The following NSMCE2 variants were observed in gnomAD, a reference collection of about 807,000 sequenced individuals.
NSMCE2 encodes the protein NSE2 SUMO ligase component of SMC5/6 complex.
NSMCE2 carries 24 observed loss-of-function variants against 23.8 expected under a neutral mutation model. The observed-to-expected ratio is 1.01, with a 90% CI of 0.73 to 1.42. The LOEUF (loss-of-function observed/expected upper bound fraction) is 1.42, where lower values mean the gene tolerates loss of function less well. Ranked by LOEUF, NSMCE2 falls within the 40% of genes most tolerant of loss-of-function variation. The pLI is 0.00. For missense variants in NSMCE2, 284 were observed against 296.5 expected (o/e 0.96, Z 0.31); for synonymous variants, 92 against 94.1 (o/e 0.98, Z 0.13).
chr8:125,218,987 G>C (rs1004099286), intron 5 of NSMCE2, among the ~76,000 whole-genome samples: 1 of 152,118 alleles, frequency 6.6e-6, no homozygotes, highest in African/African-American at 2.4e-5. Flanking sequence ...TGCAGTTTTT[G>C]CTAGGTACTT....
intron 5 of NSMCE2, among the ~76,000 whole-genome samples, chr8:125,290,393 A>G (rs1259155655): frequency 6.6e-5 from 10 of 152,150 alleles, no homozygotes; most frequent in Admixed American, 6.5e-4. Flanking sequence ...AGGAACAAGA[A>G]TCTAAAAGGA....
intron 5 of NSMCE2, among the ~76,000 whole-genome samples, chr8:125,283,568 C>G (rs1827776340): frequency 6.6e-6 from 1 of 152,158 alleles, no homozygotes; most frequent in Admixed American, 6.5e-5. Context: ...CATTTTGCCT[C>G]TTAGTGTCTC....
At chr8:125,272,792 T>A (rs4339663) in intron 5 of NSMCE2, among the ~76,000 whole-genome samples, 1 of 140,302 alleles carries the variant, frequency 7.1e-6, no homozygotes. Flanking sequence ...TATATACACA[T>A]GTGTATATAT....
intron 4 of NSMCE2, among the ~76,000 whole-genome samples, chr8:125,160,036 T>C (rs1186680549): frequency 6.6e-6 from 1 of 151,998 alleles, no homozygotes; most frequent in Non-Finnish European, 1.5e-5. Flanking sequence ...TCTTGACATA[T>C]GTACACAAAT....
chr8:125,102,444 G>C lies in NSMCE2; in HGVS notation c.114G>C (p.Met38Ile), dbSNP rs147875429. The change falls in exon 3 of 8, where the codon ATG becomes ATC. Residue 38 changes from methionine (M) to isoleucine (I), a missense_variant. Coordinates refer to ENST00000287437, the MANE Select transcript of NSMCE2 (RefSeq NM_173685.4). ...TCCAAGCCTGTATCAACTCTGGTAT[G>C]GACACAGCTTCTAGTGTTGCTTTGG... ...KNFQACINSG[M>I]DTASSVALDL... 6.2e-7 allele frequency: 1 copy of C among 1,613,852 alleles called. No individual in the cohort carries two copies. The highest frequency in any genetic ancestry group is 1.3e-5 in the African/African-American group (1 of 75,024).
At chr8:125,219,212 T>C (rs1440153168) in intron 5 of NSMCE2, among the ~76,000 whole-genome samples, 2 of 152,160 alleles carry the variant, frequency 1.3e-5, no homozygotes, top group African/African-American at 2.4e-5. Flanking sequence ...AAAGCCTGAG[T>C]TGACTTTCGT....
rs532972826 is a variant in NSMCE2, at chr8:125,302,913, G to A, written c.419-54306G>A. Among the ~76,000 whole-genome samples the A allele has an allele frequency of 3.0e-4, 46 of 152,218 alleles. No homozygotes were observed. The South Asian group carries it at 3.9e-3, about 13-fold the overall frequency. On this transcript the variant is annotated intron_variant, in intron 5 of 7. Coordinates refer to ENST00000287437, the MANE Select transcript of NSMCE2 (RefSeq NM_173685.4). ...TGCCTCCAAACAACTCTGGGAATCC[G>A]GGACAAAGAATCTGAGCACACATCA...
intron 5 of NSMCE2, among the ~76,000 whole-genome samples, chr8:125,255,009 T>A (rs1043242488): frequency 6.6e-6 from 1 of 152,138 alleles, no homozygotes; most frequent in African/African-American, 2.4e-5. Flanking sequence ...AATGACGCAT[T>A]GTATCAGTTT....
At chr8:125,104,591 C>A (rs1563651888) in intron 3 of NSMCE2, among the ~76,000 whole-genome samples, 1 of 152,164 alleles carries the variant, frequency 6.6e-6, no homozygotes, top group African/African-American at 2.4e-5. Flanking sequence ...GTATTTGTTG[C>A]TCAGCATCTT....
intron 5 of NSMCE2, 31 bp from the exon 6 acceptor site, chr8:125,357,188 A>T (rs1813317762): frequency 7.3e-7 from 1 of 1,367,468 alleles, no homozygotes; most frequent in African/African-American, 1.4e-5. Context: ...GTTAGACCAG[A>T]GAGGCTTATC....
chr8:125,366,666 T>C (rs1472309290), intron 7 of NSMCE2, 102 bp from the exon 8 acceptor site: 7 of 733,132 alleles, frequency 9.5e-6, no homozygotes, highest in Non-Finnish European at 1.7e-5. Flanking sequence ...TTTGACACTT[T>C]TCCTTTTTCA....
At chr8:125,250,858 C>A (rs1469992313) in intron 5 of NSMCE2, among the ~76,000 whole-genome samples, 1 of 152,112 alleles carries the variant, frequency 6.6e-6, no homozygotes, top group Admixed American at 6.6e-5. Flanking sequence ...GAATCCTGAT[C>A]TTTACGCAGG....
chr8:125,190,377 A>G (rs1298957057), intron 5 of NSMCE2, among the ~76,000 whole-genome samples: 1 of 152,198 alleles, frequency 6.6e-6, no homozygotes, highest in Non-Finnish European at 1.5e-5. Context: ...CCCAAGAACA[A>G]CAAAGCTAGT....
At chr8:125,123,291 T>C (rs1563663917) in intron 3 of NSMCE2, among the ~76,000 whole-genome samples, 1 of 152,218 alleles carries the variant, frequency 6.6e-6, no homozygotes, top group Non-Finnish European at 1.5e-5. Context: ...TGTTTTAGTT[T>C]CCTCCTTTCC....
intron 5 of NSMCE2, among the ~76,000 whole-genome samples, chr8:125,222,003 T>C (rs1824883879): frequency 6.6e-6 from 1 of 152,174 alleles, no homozygotes; most frequent in African/African-American, 2.4e-5. Context: ...ATATTCACCT[T>C]ATTTGGCCTG....
chr8:125,143,561 G>A (rs1322473810), intron 3 of NSMCE2, among the ~76,000 whole-genome samples: 1 of 152,094 alleles, frequency 6.6e-6, no homozygotes, highest in South Asian at 2.1e-4. Context: ...TGTCTACTTT[G>A]TCTTAGCCTG....
chr8:125,225,817 A>G (rs1825067239), intron 5 of NSMCE2, among the ~76,000 whole-genome samples: 1 of 152,260 alleles, frequency 6.6e-6, no homozygotes, highest in East Asian at 1.9e-4. Flanking sequence ...AATTGTAGAC[A>G]AATTATCGTA....
chr8:125,123,268 A>T (rs991175314), intron 3 of NSMCE2, among the ~76,000 whole-genome samples: 7 of 152,204 alleles, frequency 4.6e-5, no homozygotes, highest in African/African-American at 1.7e-4. Context: ...AGGTGTGTTT[A>T]TAATAAAGTT....
At chr8:125,128,572 A>C (rs2130545577) in intron 3 of NSMCE2, among the ~76,000 whole-genome samples, 1 of 152,332 alleles carries the variant, frequency 6.6e-6, no homozygotes, top group East Asian at 1.9e-4. Context: ...CCACAAACTT[A>C]GTGACTTAAA....
Sources: gnomAD v4.1 joint callset for allele counts (sites outside exome capture counted in the v4.1 genomes callset) on GRCh38, gnomAD v4.1.1 for gene constraint, MANE v1.5 for transcripts, NCBI Gene and HGNC (gene_info 2026-07-23, HGNC 2026-07-21) for gene names.